The following PRKG1 variants were observed in gnomAD, a reference collection of about 807,000 sequenced individuals.
PRKG1 encodes the protein protein kinase cGMP-dependent 1, also known as cGMP-dependent protein kinase 1.
PRKG1 carries 35 observed loss-of-function variants against 88.1 expected under a neutral mutation model. The ratio of observed to expected loss-of-function variants is 0.40; its 90% CI spans 0.30 to 0.53. The LOEUF is 0.53. Ranked by LOEUF, PRKG1 falls within the 20% of genes least tolerant of loss-of-function variation. PRKG1 has a pLI of 0.59. For missense variants in PRKG1, 540 were observed against 839.8 expected (o/e 0.64, Z 4.41); for synonymous variants, 303 against 292.5 (o/e 1.04, Z -0.37).
chr10:51,176,042 G>A (rs760863891), intron 2 of PRKG1, among the ~76,000 whole-genome samples: 12 of 152,144 alleles, frequency 7.9e-5, no homozygotes, highest in Non-Finnish European at 1.6e-4. Flanking sequence ...AAAAGGACAA[G>A]ATATTTTATT....
chr10:52,048,142 T>C (rs1845907326), intron 5 of PRKG1, among the ~76,000 whole-genome samples: 1 of 152,040 alleles, frequency 6.6e-6, no homozygotes, highest in African/African-American at 2.4e-5. Context: ...TATGACCTGA[T>C]CATTAGAAAA....
intron 5 of PRKG1, among the ~76,000 whole-genome samples, chr10:52,005,031 A>G (rs1369633623): frequency 6.6e-6 from 1 of 152,136 alleles, no homozygotes; most frequent in Admixed American, 6.5e-5. Context: ...TAGTTTTAGG[A>G]GCCAACAAAA....
chr10:52,232,933 T>C (rs1330991764), intron 9 of PRKG1, among the ~76,000 whole-genome samples: 1 of 152,214 alleles, frequency 6.6e-6, no homozygotes, highest in African/African-American at 2.4e-5. Context: ...AGTTAAAGGA[T>C]GGTAAATAAG....
At chr10:51,386,755 A>G (rs139899470) in intron 2 of PRKG1, among the ~76,000 whole-genome samples, 3 of 152,296 alleles carry the variant, frequency 2.0e-5, no homozygotes, top group South Asian at 2.1e-4. Flanking sequence ...AGTCAAGTTG[A>G]CACATAAAAT....
At position 51,769,949 on chromosome 10, in the gene PRKG1, G is replaced by A. The variant is rs558454930; in HGVS notation, c.593-34636G>A. Among the ~76,000 whole-genome samples, 14 of 152,326 alleles carry A rather than the reference G, an allele frequency of 9.2e-5. No homozygotes were observed. The South Asian group carries it at 2.7e-3, about 29-fold the overall frequency. On this transcript the variant is annotated intron_variant, in intron 3 of 17. Coordinates refer to ENST00000373980, the MANE Select transcript of PRKG1 (RefSeq NM_006258.4). ...GCCACATTTAAAGTCATCCTGGGCCGCATGTGGCCTATGGGCCGTGTGTTG... is the reference window on the plus strand; with the variant it reads ...GCCACATTTAAAGTCATCCTGGGCCACATGTGGCCTATGGGCCGTGTGTTG...
chr10:51,907,751 T>A (rs1842118255), intron 5 of PRKG1, 181 bp downstream of exon 5: 1 of 483,778 alleles, frequency 2.1e-6, no homozygotes. Flanking sequence ...GACATTTATA[T>A]GCAGAAAGGT....
intron 2 of PRKG1, among the ~76,000 whole-genome samples, chr10:51,194,949 T>A (rs537433637): frequency 6.6e-6 from 1 of 152,332 alleles, no homozygotes; most frequent in South Asian, 2.1e-4. Flanking sequence ...AGAGTCTTCA[T>A]GGCCTAATAA....
intron 2 of PRKG1, among the ~76,000 whole-genome samples, chr10:51,403,279 C>CA (rs1397884785): frequency 6.6e-6 from 1 of 152,164 alleles, no homozygotes; most frequent in African/African-American, 2.4e-5. Context: ...ATTCGAGCTA[C>CA]ATATGGCATG....
At chr10:52,027,635 G>A (rs1477709299) in intron 5 of PRKG1, among the ~76,000 whole-genome samples, 3 of 151,418 alleles carry the variant, frequency 2.0e-5, no homozygotes, top group Non-Finnish European at 4.4e-5. Context: ...GTCAGCCTTT[G>A]CAATGACAGT....
chr10:52,037,570 T>C (rs1845649674), intron 5 of PRKG1, among the ~76,000 whole-genome samples: 1 of 152,214 alleles, frequency 6.6e-6, no homozygotes, highest in South Asian at 2.1e-4. Context: ...TGGATTTTTA[T>C]ATTTGATGAA....
In PRKG1 at chr10:51,803,935, G is replaced by A. The variant is rs1001913552; in HGVS notation, c.593-650G>A. Among the ~76,000 whole-genome samples the A allele has an allele frequency of 5.3e-5, 8 of 152,240 alleles. No homozygotes were observed. In the East Asian group the frequency reaches 1.4e-3, roughly 26 times the overall value. ...GCTTAATAGATCAAATGGTGAAGTT[G>A]TGGGGTATTCAGCTTCAACATTTAA... is the stretch of plus-strand genomic sequence containing the variant. On this transcript the variant is annotated intron_variant, in intron 3 of 17. Coordinates refer to ENST00000373980, the MANE Select transcript of PRKG1 (RefSeq NM_006258.4).
intron 2 of PRKG1, among the ~76,000 whole-genome samples, chr10:51,397,348 T>C (rs1837607286): frequency 6.6e-6 from 1 of 152,186 alleles, no homozygotes; most frequent in Non-Finnish European, 1.5e-5. Flanking sequence ...TTTTTAAATG[T>C]CAAAGATTAT....
chr10:51,905,846 A>T lies in PRKG1; in HGVS notation c.699-1661A>T, dbSNP rs114345222. ...GCATTCACAAATCCATGCTTTCATA[A>T]CTACATTCAAAATATGTTGTTTGTT... is the stretch of plus-strand genomic sequence containing the variant. On this transcript the variant is annotated intron_variant, in intron 4 of 17. Coordinates refer to ENST00000373980, the MANE Select transcript of PRKG1 (RefSeq NM_006258.4). Among the ~76,000 whole-genome samples the T allele has an allele frequency of 2.9e-3, 436 of 152,310 alleles. 1 individual carries two copies. The highest frequency in any genetic ancestry group is 9.4e-3 in the African/African-American group (389 of 41,578).
intron 7 of PRKG1, among the ~76,000 whole-genome samples, chr10:52,117,992 T>C (rs1340487316): frequency 6.6e-6 from 1 of 152,122 alleles, no homozygotes; most frequent in Non-Finnish European, 1.5e-5. Context: ...GATAGGTATT[T>C]AGGTTATTTC....
chr10:51,779,164 C>T (rs1838519883), intron 3 of PRKG1, among the ~76,000 whole-genome samples: 1 of 152,106 alleles, frequency 6.6e-6, no homozygotes, highest in Admixed American at 6.6e-5. Context: ...GTTTTTCATT[C>T]ATTAGGCATG....
intron 7 of PRKG1, among the ~76,000 whole-genome samples, chr10:52,072,158 CTTTTTTTTTT>C (rs60576406): frequency 1.5e-4 from 6 of 39,556 alleles, no homozygotes; most frequent in South Asian, 3.4e-3. Context: ...TATTGTTTTG[CTTTTTTTTTT>C]TTTTTTTTTT....
At chr10:51,685,876 T>A (rs1302574590) in intron 3 of PRKG1, among the ~76,000 whole-genome samples, 1 of 152,082 alleles carries the variant, frequency 6.6e-6, no homozygotes, top group Non-Finnish European at 1.5e-5. Flanking sequence ...CATTCTTTCC[T>A]GCCTCCTCTC....
intron 3 of PRKG1, among the ~76,000 whole-genome samples, chr10:51,609,353 A>C (rs1838845309): frequency 6.6e-6 from 1 of 152,074 alleles, no homozygotes. Context: ...TGGGTGTGTC[A>C]TTTTTTAAAT....
intron 4 of PRKG1, among the ~76,000 whole-genome samples, chr10:51,822,100 C>T (rs1839762782): frequency 6.6e-6 from 1 of 150,988 alleles, no homozygotes. Flanking sequence ...TATATACACA[C>T]ATATATATAT....
Sources: gnomAD v4.1 joint callset for allele counts (sites outside exome capture counted in the v4.1 genomes callset) on GRCh38, gnomAD v4.1.1 for gene constraint, MANE v1.5 for transcripts, NCBI Gene and HGNC (gene_info 2026-07-23, HGNC 2026-07-21) for gene names.